The following DPP10 variants were observed in gnomAD, a reference collection of about 807,000 sequenced individuals.
The protein encoded by DPP10 is inactive dipeptidyl peptidase 10.
In DPP10, 33 loss-of-function variants were observed where a neutral mutation model predicts 120.9. The observed-to-expected ratio is 0.27, with a 90% CI of 0.21 to 0.37. The LOEUF (loss-of-function observed/expected upper bound fraction) is 0.37. DPP10 is among the 10% of genes least tolerant of loss of function. DPP10 has a pLI of 1.00. For missense variants in DPP10, 816 were observed against 942.8 expected (o/e 0.87, Z 1.76); for synonymous variants, 337 against 326.1 (o/e 1.03, Z -0.36).
chr2:114,785,853 G>A (rs777608344), intron 1 of DPP10, among the ~76,000 whole-genome samples: 1 of 152,154 alleles, frequency 6.6e-6, no homozygotes, highest in Non-Finnish European at 1.5e-5. Flanking sequence ...ACTATAAAGA[G>A]GTTAAATAAA....
chr2:115,496,294 A>G (rs1374647784), intron 3 of DPP10, among the ~76,000 whole-genome samples: 1 of 152,192 alleles, frequency 6.6e-6, no homozygotes, highest in Non-Finnish European at 1.5e-5. Context: ...GTGAATTTTA[A>G]AAGTTTATCC....
chr2:114,987,776 G>A (rs1163259960), intron 1 of DPP10, among the ~76,000 whole-genome samples: 1 of 145,066 alleles, frequency 6.9e-6, no homozygotes, highest in Non-Finnish European at 1.5e-5. Flanking sequence ...ACTAGTACAA[G>A]ACTATACTCC....
chr2:115,635,524 C>A (rs1357175794), intron 5 of DPP10, among the ~76,000 whole-genome samples: 1 of 152,216 alleles, frequency 6.6e-6, no homozygotes, highest in Non-Finnish European at 1.5e-5. Context: ...CACCAACCAC[C>A]TACTCAGTCC....
chr2:115,639,791 C>T (rs992664955), intron 5 of DPP10, among the ~76,000 whole-genome samples: 1 of 152,112 alleles, frequency 6.6e-6, no homozygotes, highest in African/African-American at 2.4e-5. Flanking sequence ...ATACAATCCT[C>T]AGATGGTTCT....
At chr2:114,605,830 A>G (rs1692741634) in intron 1 of DPP10, among the ~76,000 whole-genome samples, 1 of 152,160 alleles carries the variant, frequency 6.6e-6, no homozygotes, top group Admixed American at 6.6e-5. Flanking sequence ...CAAAGTAAGG[A>G]TGAAGGTCCA....
chr2:114,819,306 A>T (rs965117894), intron 1 of DPP10, among the ~76,000 whole-genome samples: 1 of 151,716 alleles, frequency 6.6e-6, no homozygotes, highest in Non-Finnish European at 1.5e-5. Context: ...TGCTATTCTG[A>T]CCTAGCTACC....
chr2:114,852,176 T>TTTTC (rs1553441623), intron 1 of DPP10, among the ~76,000 whole-genome samples: 1 of 145,454 alleles, frequency 6.9e-6, no homozygotes, highest in African/African-American at 2.6e-5. Flanking sequence ...TTTTTTTTTT[T>TTTTC]CATAAAATGC....
In DPP10 at chr2:114,909,576, G is replaced by A. The variant is rs555675857; in HGVS notation, c.61-399663G>A. 3.9e-5 allele frequency among the ~76,000 whole-genome samples: 6 copies of A among 152,142 alleles called. No homozygotes were observed. In the East Asian group the frequency reaches 9.7e-4, roughly 24 times the overall value. ...CCATTCAGTAGGAATGTGTGGAGAT[G>A]TATAGCGTTCTTAGTCTAGATCCTG... On this transcript the variant is annotated intron_variant, in intron 1 of 25. Coordinates refer to ENST00000410059, the MANE Select transcript of DPP10 (RefSeq NM_020868.6).
chr2:114,693,856 C>T lies in DPP10; in HGVS notation c.60+251018C>T, dbSNP rs1699913909. Among the ~76,000 whole-genome samples, 2 of 151,890 alleles carry T rather than the reference C, an allele frequency of 1.3e-5. 1 individual carries two copies. The highest frequency in any genetic ancestry group is 1.3e-4 in the Admixed American group (2 of 15,222). On this transcript the variant is annotated intron_variant, in intron 1 of 25. Coordinates refer to ENST00000410059, the MANE Select transcript of DPP10 (RefSeq NM_020868.6). ...TCTTCAAGCTCTGAGATTCTTTCCCCTACTTGTCTCCATTTTTCTCAGGAG... is the reference window on the plus strand; with the variant it reads ...TCTTCAAGCTCTGAGATTCTTTCCCTTACTTGTCTCCATTTTTCTCAGGAG...
At chr2:115,368,796 T>C (rs928843954) in intron 3 of DPP10, among the ~76,000 whole-genome samples, 3 of 151,600 alleles carry the variant, frequency 2.0e-5, no homozygotes, top group South Asian at 2.1e-4. Context: ...AATTTTAATT[T>C]TAATTTTAAT....
intron 5 of DPP10, among the ~76,000 whole-genome samples, chr2:115,596,525 T>C (rs2082999024): frequency 6.6e-6 from 1 of 152,162 alleles, no homozygotes; most frequent in African/African-American, 2.4e-5. Context: ...ACTTGTCATA[T>C]TTCAAAGTTT....
At chr2:115,351,988 G>T (rs2064066244) in intron 3 of DPP10, among the ~76,000 whole-genome samples, 2 of 151,634 alleles carry the variant, frequency 1.3e-5, no homozygotes, top group South Asian at 2.1e-4. Context: ...TTTTCTTCAA[G>T]AAAATATTTT....
At chr2:115,749,733 A>G (rs1262203050) in intron 10 of DPP10, among the ~76,000 whole-genome samples, 1 of 152,224 alleles carries the variant, frequency 6.6e-6, no homozygotes, top group South Asian at 2.1e-4. Flanking sequence ...GGAAGACATC[A>G]CAGATTATCT....
intron 1 of DPP10, among the ~76,000 whole-genome samples, chr2:115,035,015 C>A (rs945524327): frequency 2.0e-5 from 3 of 152,212 alleles, no homozygotes; most frequent in African/African-American, 7.2e-5. Context: ...CTTTCCCAAT[C>A]TAAACACAAG....
chr2:115,010,588 A>G (rs1702193216), intron 1 of DPP10, among the ~76,000 whole-genome samples: 1 of 152,114 alleles, frequency 6.6e-6, no homozygotes, highest in Non-Finnish European at 1.5e-5. Flanking sequence ...ACCAATACAA[A>G]TCATTCTCCA....
chr2:114,492,208 C>A (rs920936557), intron 1 of DPP10, among the ~76,000 whole-genome samples: 1 of 152,024 alleles, frequency 6.6e-6, no homozygotes, highest in African/African-American at 2.4e-5. Flanking sequence ...CCGAGCGACT[C>A]TTTTTTAGTA....
At chr2:115,400,475 A>G (rs552310399) in intron 3 of DPP10, among the ~76,000 whole-genome samples, 2 of 102,336 alleles carry the variant, frequency 2.0e-5, no homozygotes, top group South Asian at 6.0e-4. Flanking sequence ...ATCTACCCAT[A>G]AGTAAAAAAA....
At chr2:115,550,614 A>C (rs547247747) in intron 5 of DPP10, among the ~76,000 whole-genome samples, 1 of 152,246 alleles carries the variant, frequency 6.6e-6, no homozygotes, top group Non-Finnish European at 1.5e-5. Context: ...CCATCTGCTT[A>C]GGCTGTGACC....
chr2:114,509,022 GAGAGAGAGAGAGAA>G (rs1023700911), intron 1 of DPP10, among the ~76,000 whole-genome samples: 3 of 152,280 alleles, frequency 2.0e-5, no homozygotes, highest in Admixed American at 6.5e-5. Flanking sequence ...GAGAAAGAGA[GAGAGAGAGAGAGAA>G]AGAGAGAGAG....
Sources: allele counts gnomAD v4.1 joint callset (sites outside exome capture counted in the v4.1 genomes callset), GRCh38; gene constraint gnomAD v4.1.1; transcripts MANE v1.5; gene names NCBI Gene and HGNC (gene_info 2026-07-23, HGNC 2026-07-21).